GP2: variants seen among roughly 807,000 people sequenced by gnomAD.
GP2 encodes the protein glycoprotein 2, also known as pancreatic secretory granule membrane major glycoprotein GP2.
GP2 carries 58 observed loss-of-function variants against 60.8 expected under a neutral mutation model. That is an observed-to-expected ratio of 0.95 (90% confidence interval 0.77 to 1.19). The LOEUF is 1.19. Among genes scored for constraint, GP2 ranks in the 50% most tolerant of loss-of-function variants. The pLI, the probability that GP2 is intolerant of heterozygous loss-of-function variation, is 0.00. For missense variants in GP2, 647 were observed against 667.4 expected, an observed-to-expected ratio of 0.97 and a Z score of 0.34; for synonymous variants, 280 against 253.4, an observed-to-expected ratio of 1.10 and a Z score of -1.00.
intron 4 of GP2, among the ~76,000 whole-genome samples, chr16:20,321,522 GAGA>G (rs1290160483): frequency 6.6e-5 from 10 of 152,340 alleles, no homozygotes; most frequent in African/African-American, 2.2e-4. Flanking sequence ...AGGGGGAGCA[GAGA>G]AGAAGGTCTA....
At chr16:20,318,056 A>G (rs890189211) in intron 7 of GP2, 129 bp downstream of exon 7, 30 of 749,584 alleles carry the variant, frequency 4.0e-5, no homozygotes, top group African/African-American at 5.2e-5. Context: ...CTCAGGAGTG[A>G]TATTTCTGGG....
chr16:20,317,399 G>A (rs764154723), intron 7 of GP2, 24 bp from the exon 8 acceptor site: 2 of 1,598,338 alleles, frequency 1.3e-6, no homozygotes, highest in Non-Finnish European at 1.7e-6. Flanking sequence ...AGGGGCAAAG[G>A]TGTAACTTCT....
chr16:20,316,371 A>T (rs1331714416), intron 8 of GP2, among the ~76,000 whole-genome samples: 3 of 152,214 alleles, frequency 2.0e-5, no homozygotes, highest in Non-Finnish European at 4.4e-5. Context: ...CAAAGTAAGC[A>T]CTCGGAAAAT....
At chr16:20,312,610 G>A (rs1156293316) in intron 10 of GP2, among the ~76,000 whole-genome samples, 1 of 151,414 alleles carries the variant, frequency 6.6e-6, no homozygotes, top group Non-Finnish European at 1.5e-5. Context: ...CTAACCAGAA[G>A]GACTGGCAGA....
chr16:20,320,192 A>G, intron 5 of GP2, 70 bp downstream of exon 5: 7 of 1,147,540 alleles, frequency 6.1e-6, no homozygotes, highest in Non-Finnish European at 9.2e-6. Context: ...CCAAGATCTC[A>G]GAGCTACTAT....
Position 20,318,346 on chromosome 16 carries a change from G to C in GP2, c.1092C>G (p.Tyr364Ter). ...CAGACAGTTCAACTGCATCCCCTTC[G>C]TAAGGATTCGTGTAGTTCTGGTCTT... ...LFQDQNYTNP[Y>*]EGDAVELSVE... Residue 364 changes from tyrosine (Y) to a stop codon, truncating the protein, a stop_gained, in exon 7 of 11, where the codon TAC (tyrosine) becomes TAG (stop). Transcript: ENST00000302555. LOFTEE classifies it high-confidence loss of function. The C allele has an allele frequency of 1.2e-6, 2 of 1,613,092 alleles. No homozygotes were observed. The highest frequency in any genetic ancestry group is 1.7e-6 in the Non-Finnish European group (2 of 1,179,098).
At chr16:20,323,492 C>CA (rs1387730293) in intron 3 of GP2, 8 of 617,522 alleles carry the variant, frequency 1.3e-5, no homozygotes, top group Non-Finnish European at 2.4e-5. Flanking sequence ...TGTACCCCCC[C>CA]CCCCTTTTTT....
intron 10 of GP2, among the ~76,000 whole-genome samples, chr16:20,314,347 C>T (rs1180673503): frequency 6.7e-6 from 1 of 149,998 alleles, no homozygotes; most frequent in Non-Finnish European, 1.5e-5. Flanking sequence ...TCTAAAGTAC[C>T]ATGTTTACTT....
In GP2 at chr16:20,309,845, G is replaced by A. The variant is rs1383965813; in HGVS notation, c.*1378C>T. On this transcript the variant is annotated 3_prime_UTR_variant, in exon 11 of 11. Transcript: ENST00000302555. The stretch of plus-strand genomic sequence containing the variant: ...TAACTCCCTTTTTGCCTGAGAAATT[G>A]TGGTGGGTTTCTGTTTCTTGCAACT... The A allele has an allele frequency of 6.6e-6, 1 of 152,050 alleles. No homozygotes were observed. The highest frequency in any genetic ancestry group is 1.5e-5 in the Non-Finnish European group (1 of 68,052). 9.4% of individuals were successfully genotyped at this position (152,050 alleles called of 1,614,324 possible). A position where few individuals can be genotyped will look rare whatever the true frequency, so the allele number is the denominator to read the frequency against.
chr16:20,317,455 A>G (rs915104655), intron 7 of GP2, 80 bp from the exon 8 acceptor site: 8 of 1,087,086 alleles, frequency 7.4e-6, no homozygotes, highest in Middle Eastern at 2.1e-4. Context: ...GGTTCCCTCC[A>G]TCATGATAAC....
chr16:20,311,261 T>C lies in GP2; in HGVS notation c.1567A>G (p.Met523Val), dbSNP rs775555557. Residue 523 changes from methionine (M) to valine (V), a missense_variant, in exon 11 of 11, where the codon ATG (methionine) becomes GTG (valine). Transcript: ENST00000302555. The part of the protein sequence containing the change: ...STAGFLVAWP[M>V]VLLTVLLAWL... Reference sequence around the variant, plus strand: ...GCCAGGAGGACAGTCAGGAGGACCATAGGCCAGGCCACCAGGAACCCTGAA... The same window carrying C: ...GCCAGGAGGACAGTCAGGAGGACCACAGGCCAGGCCACCAGGAACCCTGAA... 9 of 1,608,116 alleles carry C rather than the reference T, an allele frequency of 5.6e-6. No individual in the cohort carries two copies. Among genetic ancestry groups the C allele is most frequent in the South Asian group, 3.3e-5 (3 of 90,976 alleles).
intron 6 of GP2, 46 bp from the exon 7 acceptor site, chr16:20,318,476 T>A: frequency 6.3e-7 from 1 of 1,588,442 alleles, no homozygotes; most frequent in Non-Finnish European, 8.6e-7. Context: ...GAGAACAACA[T>A]AAATCAAGCC....
At chr16:20,320,230 CT>C (rs756371167) in intron 5 of GP2, 31 bp downstream of exon 5, 7 of 1,494,348 alleles carry the variant, frequency 4.7e-6, no homozygotes, top group Middle Eastern at 1.7e-4. Context: ...CAACACATAC[CT>C]TCTGGCAGCA....
Position 20,317,350 on chromosome 16 carries a change from T to C in GP2, c.1279A>G (p.Ile427Val), listed in dbSNP as rs202087563. The change falls in exon 8 of 11, where the codon ATC becomes GTC. Residue 427 changes from isoleucine (I) to valine (V), a missense_variant. By Grantham distance (29) the Ile-to-Val change is conservative. Coordinates refer to ENST00000302555, the MANE Select transcript of GP2 (RefSeq NM_001502.4). ...NSCSNQRDSTIHVEENGQSSE... is the reference protein window; with the variant it reads ...NSCSNQRDSTVHVEENGQSSE... ...GACTGCCCATTCTCCTCCACGTGGA[T>C]GGTGGAATCACGTTGATTTGAGCAG... is the stretch of plus-strand genomic sequence containing the variant. 1 of 1,613,664 alleles carries C rather than the reference T, an allele frequency of 6.2e-7. No individual in the cohort carries two copies. Among genetic ancestry groups the C allele is most frequent in the East Asian group, 2.2e-5 (1 of 44,854 alleles).
At chr16:20,317,058 T>C (rs1964199062) in intron 8 of GP2, among the ~76,000 whole-genome samples, 155 bp downstream of exon 8, 1 of 150,318 alleles carries the variant, frequency 6.7e-6, no homozygotes, top group African/African-American at 2.5e-5. Flanking sequence ...TCCCGTTCTC[T>C]TTCCCCTTCC....
chr16:20,318,298 A>C lies in GP2; in HGVS notation c.1140T>G (p.Gly380=), dbSNP rs1316068738. The C allele has an allele frequency of 6.2e-7, 1 of 1,613,762 alleles. No homozygotes were observed. ...AGGTGTCCCCTTGTTCCAAGATGGC[A>C]CCCACATACAGCACGGACTCAACAG... ...ELSVESVLYV[G]AILEQGDTSR... is the part of the protein sequence containing the mutation. The change falls in exon 7 of 11, where the codon GGT becomes GGG. Residue 380 remains glycine, a synonymous_variant. Coordinates refer to ENST00000302555, the MANE Select transcript of GP2 (RefSeq NM_001502.4).
chr16:20,326,425 G>A lies in GP2; in HGVS notation c.7C>T (p.His3Tyr), dbSNP rs201715356. MP[H>Y]LMERMVGSGL... is the part of the protein sequence containing the mutation. ...GAGCCCACCATCCTTTCCATAAGGT[G>A]AGGCATGCAGGTCACTTTGCTGTAT... Residue 3 changes from histidine (H) to tyrosine (Y), a missense_variant, in exon 2 of 11, where the codon CAC (histidine) becomes TAC (tyrosine). Transcript: ENST00000302555. The A allele has an allele frequency of 1.5e-4, 249 of 1,612,600 alleles. No homozygotes were observed. The African/African-American group carries it at 3.1e-3, about 20-fold the overall frequency.
rs1024844206 is a variant in GP2 at position 20,310,021 on chromosome 16, T to C, written c.*1202A>G. ...TAGCTGTGGGAAGGGCGTAAGTCAGTGTACACATGTCAGCATCTATATGCC... is the reference window on the plus strand; with the variant it reads ...TAGCTGTGGGAAGGGCGTAAGTCAGCGTACACATGTCAGCATCTATATGCC... On this transcript the variant is annotated 3_prime_UTR_variant, in exon 11 of 11. Coordinates refer to ENST00000302555, the MANE Select transcript of GP2 (RefSeq NM_001502.4). 3 of 152,206 alleles carry C rather than the reference T, an allele frequency of 2.0e-5. No homozygotes were observed. Among genetic ancestry groups the C allele is most frequent in the Non-Finnish European group, 4.4e-5 (3 of 68,066 alleles). 9.4% of individuals were successfully genotyped at this position (152,206 alleles called of 1,614,324 possible).
Position 20,324,235 on chromosome 16 carries a change from GCT to G in GP2, c.114_115del (p.Glu38AspfsTer23). ...GTCCAGGTCCAGCCCATACGAACTGGCTTCAATGGGGTTTCCATAACCTGGGA... is the reference window on the plus strand; with the variant it reads ...GTCCAGGTCCAGCCCATACGAACTGGTCAATGGGGTTTCCATAACCTGGGA... On this transcript the variant is annotated frameshift_variant, in exon 3 of 11. Coordinates refer to ENST00000302555, the MANE Select transcript of GP2 (RefSeq NM_001502.4). LOFTEE classifies it high-confidence loss of function. The G allele has an allele frequency of 6.2e-7, 1 of 1,601,188 alleles. No individual in the cohort carries two copies. The highest frequency in any genetic ancestry group is 8.5e-7 in the Non-Finnish European group (1 of 1,170,340).
Sources: allele counts gnomAD v4.1 joint callset (sites outside exome capture counted in the v4.1 genomes callset), GRCh38; gene constraint gnomAD v4.1.1; transcripts MANE v1.5; gene names NCBI Gene and HGNC (gene_info 2026-07-23, HGNC 2026-07-21).